The following TMPRSS11F variants were observed in gnomAD, a reference collection of about 807,000 sequenced individuals.
The protein encoded by TMPRSS11F is transmembrane serine protease 11F, also known as transmembrane protease serine 11F.
TMPRSS11F carries 47 observed loss-of-function variants against 60.2 expected under a neutral mutation model. That is an observed-to-expected ratio of 0.78 (90% CI 0.62 to 1.00). The LOEUF (loss-of-function observed/expected upper bound fraction) is 1.00. Ranked by LOEUF, TMPRSS11F falls within the 50% of genes least tolerant of loss-of-function variation. The pLI, the probability that TMPRSS11F is intolerant of heterozygous loss-of-function variation, is 0.00. For missense variants in TMPRSS11F, 519 were observed against 522.9 expected (o/e 0.99, Z 0.07); for synonymous variants, 166 against 167.3 (o/e 0.99, Z 0.06).
At chr4:68,061,904 A>C in intron 8 of TMPRSS11F, 4 of 424,672 alleles carry the variant, frequency 9.4e-6, no homozygotes, top group South Asian at 6.9e-5. Flanking sequence ...TTTTAAAAAA[A>C]AATTAACATA....
intron 7 of TMPRSS11F, among the ~76,000 whole-genome samples, chr4:68,065,164 G>T (rs1361640100): frequency 6.6e-6 from 1 of 152,016 alleles, no homozygotes; most frequent in Non-Finnish European, 1.5e-5. Flanking sequence ...AATTTTTAAA[G>T]TTCTTGCTTG....
At chr4:68,091,761 C>CTA (rs1298593698) in intron 2 of TMPRSS11F, among the ~76,000 whole-genome samples, 18 of 110,690 alleles carry the variant, frequency 1.6e-4, no homozygotes, top group African/African-American at 6.4e-4. Flanking sequence ...CTCTCTCTCT[C>CTA]TCTCTCTCTC....
chr4:68,095,396 T>C (rs1577926739), intron 2 of TMPRSS11F, among the ~76,000 whole-genome samples: 2 of 152,024 alleles, frequency 1.3e-5, no homozygotes. Flanking sequence ...AAAATCCAAA[T>C]GAGCGACTGA....
At chr4:68,068,555 C>A in intron 7 of TMPRSS11F, 63 bp downstream of exon 7, 1 of 1,404,706 alleles carries the variant, frequency 7.1e-7, no homozygotes, top group Admixed American at 1.7e-5. Flanking sequence ...TCTTCTGATG[C>A]GCTAAATCAG....
intron 1 of TMPRSS11F, among the ~76,000 whole-genome samples, chr4:68,102,609 T>C (rs1384155744): frequency 6.6e-6 from 1 of 152,184 alleles, no homozygotes; most frequent in African/African-American, 2.4e-5. Flanking sequence ...TGACCATTTT[T>C]ATGTCTTCTT....
At chr4:68,076,158 A>G (rs1350848152) in intron 3 of TMPRSS11F, among the ~76,000 whole-genome samples, 1 of 152,176 alleles carries the variant, frequency 6.6e-6, no homozygotes, top group Non-Finnish European at 1.5e-5. Flanking sequence ...AACCATGGAG[A>G]CATCACCTTT....
chr4:68,064,753 T>C lies in TMPRSS11F; in HGVS notation c.947A>G (p.Asp316Gly). ...SNIVQRVCLP[D>G]SSIKLPPKTS... is the part of the protein sequence containing the mutation. Reference sequence around the variant, plus strand: ...TTTAGGTGGCAACTTTATAGATGAGTCTGGGAGGCAAACTCTCTGGACTAT... The same window carrying C: ...TTTAGGTGGCAACTTTATAGATGAGCCTGGGAGGCAAACTCTCTGGACTAT... The change falls in exon 8 of 10, where the codon GAC becomes GGC. Residue 316 changes from aspartate (D) to glycine (G), a missense_variant. Transcript: ENST00000356291. 6.2e-7 allele frequency: 1 copy of C among 1,614,128 alleles called. No individual in the cohort carries two copies. Among genetic ancestry groups the C allele is most frequent in the Non-Finnish European group, 8.5e-7 (1 of 1,180,000 alleles).
intron 8 of TMPRSS11F, among the ~76,000 whole-genome samples, chr4:68,060,554 CTAGTT>C (rs1223968665): frequency 8.1e-6 from 1 of 123,058 alleles, no homozygotes; most frequent in Non-Finnish European, 1.6e-5. Context: ...TATATTAACA[CTAGTT>C]TTTTTTTCAG....
At chr4:68,112,878 A>C (rs1015902229) in intron 1 of TMPRSS11F, among the ~76,000 whole-genome samples, 1 of 152,172 alleles carries the variant, frequency 6.6e-6, no homozygotes, top group African/African-American at 2.4e-5. Context: ...TCTTCTCTAT[A>C]TCTCTTCCAG....
At chr4:68,124,705 T>C (rs775235823) in intron 1 of TMPRSS11F, among the ~76,000 whole-genome samples, 1 of 152,170 alleles carries the variant, frequency 6.6e-6, no homozygotes, top group Non-Finnish European at 1.5e-5. Flanking sequence ...ATAAGAGTAG[T>C]AGATATAAGA....
chr4:68,079,310 T>G (rs1460882656), intron 3 of TMPRSS11F, among the ~76,000 whole-genome samples: 1 of 152,046 alleles, frequency 6.6e-6, no homozygotes, highest in Non-Finnish European at 1.5e-5. Context: ...CATCTTTAGA[T>G]CTTGTGTTAA....
At chr4:68,118,088 T>C (rs1355412174) in intron 1 of TMPRSS11F, among the ~76,000 whole-genome samples, 1 of 152,090 alleles carries the variant, frequency 6.6e-6, no homozygotes. Context: ...TCACAAAGAA[T>C]ACCAAAGTAG....
At chr4:68,083,430 G>C (rs112880582) in intron 3 of TMPRSS11F, among the ~76,000 whole-genome samples, 1 of 152,140 alleles carries the variant, frequency 6.6e-6, no homozygotes, top group African/African-American at 2.4e-5. Flanking sequence ...GAGCAGGGCA[G>C]CTAACAGCCT....
At chr4:68,102,631 C>T (rs11733521) in intron 1 of TMPRSS11F, among the ~76,000 whole-genome samples, 3,392 of 152,112 alleles carry the variant, frequency 0.022, 59 homozygotes, top group Middle Eastern at 0.051. Flanking sequence ...AGAGAAATGT[C>T]TATTCAGGTC....
Position 68,073,988 on chromosome 4 carries a change from A to T in TMPRSS11F, c.304T>A (p.Ser102Thr). Reference protein sequence around the residue: ...ERMMSRIFRHSSVGGRFIKSH... With the variant: ...ERMMSRIFRHTSVGGRFIKSH... Reference sequence around the variant, plus strand: ...TTGATAAATCGACCGCCTACAGAAGAATGTCGAAATATCCTAGACATCTGA... The same window carrying T: ...TTGATAAATCGACCGCCTACAGAAGTATGTCGAAATATCCTAGACATCTGA... Residue 102 changes from serine to threonine, a missense_variant, in exon 4 of 10, where the codon TCT becomes ACT. Coordinates refer to ENST00000356291, the MANE Select transcript of TMPRSS11F (RefSeq NM_207407.2). 1 of 1,583,384 alleles carries T rather than the reference A, an allele frequency of 6.3e-7. No homozygotes were observed. Among genetic ancestry groups the T allele is most frequent in the South Asian group, 1.2e-5 (1 of 85,054 alleles).
At chr4:68,088,694 T>C (rs1188627045) in intron 3 of TMPRSS11F, among the ~76,000 whole-genome samples, 9 of 152,108 alleles carry the variant, frequency 5.9e-5, no homozygotes, top group Non-Finnish European at 1.2e-4. Context: ...ACAAACTATC[T>C]CTCAGCCCAC....
intron 2 of TMPRSS11F, among the ~76,000 whole-genome samples, chr4:68,095,480 C>T (rs1252304226): frequency 6.6e-6 from 1 of 152,186 alleles, no homozygotes. Flanking sequence ...ATGCTATATC[C>T]TACACCAAAT....
At chr4:68,115,683 G>C (rs573389695) in intron 1 of TMPRSS11F, among the ~76,000 whole-genome samples, 1 of 152,070 alleles carries the variant, frequency 6.6e-6, no homozygotes, top group Non-Finnish European at 1.5e-5. Flanking sequence ...CAGAGTGAAA[G>C]GTCATACATA....
chr4:68,101,260 C>A (rs1485554876), intron 1 of TMPRSS11F, among the ~76,000 whole-genome samples: 1 of 152,060 alleles, frequency 6.6e-6, no homozygotes, highest in African/African-American at 2.4e-5. Context: ...ATAAGTTTTA[C>A]CAAATGCCCA....
Sources: gnomAD v4.1 joint callset for allele counts (sites outside exome capture counted in the v4.1 genomes callset) on GRCh38, gnomAD v4.1.1 for gene constraint, MANE v1.5 for transcripts, NCBI Gene and HGNC (gene_info 2026-07-23, HGNC 2026-07-21) for gene names.